Variants in ASPHD1 observed in about 807,000 individuals in gnomAD.
ASPHD1 encodes the protein aspartate beta-hydroxylase domain-containing protein 1.
A neutral mutation model predicts 28.3 loss-of-function variants in ASPHD1; 20 were observed. The ratio of observed to expected loss-of-function variants is 0.71; its 90% confidence interval spans 0.50 to 1.03. The LOEUF is 1.03. Ranked by LOEUF, ASPHD1 falls within the 50% of genes least tolerant of loss-of-function variation. The pLI is 0.00. For missense variants in ASPHD1, 479 were observed against 524.1 expected, an observed-to-expected ratio of 0.91 and a Z score of 0.84; for synonymous variants, 240 against 221.2, an observed-to-expected ratio of 1.08 and a Z score of -0.75.
intron 2 of ASPHD1, 103 bp from the exon 3 acceptor site, chr16:29,905,685 C>T (rs1597006865): frequency 1.5e-6 from 1 of 654,544 alleles, no homozygotes; most frequent in African/African-American, 1.9e-5. Context: ...TAGAACAAGG[C>T]CTGCCACTTA....
chr16:29,911,145 T>C, intron 3 of ASPHD1: 1 of 1,614,010 alleles, frequency 6.2e-7, no homozygotes, highest in South Asian at 1.1e-5. Flanking sequence ...AACAGCTCGA[T>C]GTTCTTAAGT....
chr16:29,901,568 C>A lies in ASPHD1; in HGVS notation c.597C>A (p.Pro199=). Residue 199 remains proline (P), a synonymous_variant, in exon 1 of 3, where the codon CCC becomes CCA. Transcript: ENST00000308748. The surrounding 1 kb of genome is among the most constrained non-coding windows in gnomAD (Gnocchi z 5.1). Reference sequence around the variant, plus strand: ...TCCTACCAGACCTGCCTTCAGCCCCCTTTGTGCCGCGGGACGCCCAGCGGC... The same window carrying A: ...TCCTACCAGACCTGCCTTCAGCCCCATTTGTGCCGCGGGACGCCCAGCGGC... ...LLFLPDLPSA[P]FVPRDAQRHD... 1 of 1,547,040 alleles carries A rather than the reference C, an allele frequency of 6.5e-7. No homozygotes were observed. The highest frequency in any genetic ancestry group is 8.7e-7 in the Non-Finnish European group (1 of 1,154,176).
chr16:29,905,903 G>T lies in ASPHD1; in HGVS notation c.*6G>T. The T allele has an allele frequency of 6.2e-7, 1 of 1,609,374 alleles. No homozygotes were observed. The highest frequency in any genetic ancestry group is 8.5e-7 in the Non-Finnish European group (1 of 1,176,542). On this transcript the variant is annotated 3_prime_UTR_variant, in exon 3 of 3. Transcript: ENST00000308748. ...TCTTCGCCCCAGACCCTTGAAGGAAGGTGCTCCCTTCACACACCCAGGCTG... is the reference window on the plus strand; with the variant it reads ...TCTTCGCCCCAGACCCTTGAAGGAATGTGCTCCCTTCACACACCCAGGCTG...
chr16:29,909,998 C>T (rs1238459296), downstream of ASPHD1, among the ~76,000 whole-genome samples: 4 of 151,134 alleles, frequency 2.6e-5, no homozygotes, highest in African/African-American at 9.7e-5. Flanking sequence ...ACTTGGGAGG[C>T]TGAGGCAGGA....
intron 3 of ASPHD1, chr16:29,912,077 A>C (rs2068723444): frequency 6.6e-7 from 1 of 1,518,642 alleles, no homozygotes; most frequent in East Asian, 2.4e-5. Flanking sequence ...GGTGGTTAAC[A>C]GCACAACCAA....
At chr16:29,917,463 A>G (rs1407775211) in intron 3 of ASPHD1, among the ~76,000 whole-genome samples, 1 of 152,082 alleles carries the variant, frequency 6.6e-6, no homozygotes, top group East Asian at 1.9e-4. Context: ...CTTGACCAAC[A>G]TGGCAAAACC....
At chr16:29,915,061 A>G (rs1272159529) in intron 3 of ASPHD1, 2 of 151,878 alleles carry the variant, frequency 1.3e-5, no homozygotes, top group Admixed American at 6.6e-5. Context: ...TCTGTAATCC[A>G]GTTGGAGAAA....
intron 1 of ASPHD1, among the ~76,000 whole-genome samples, chr16:29,903,208 T>C (rs777030992): frequency 5.9e-5 from 9 of 151,398 alleles, no homozygotes; most frequent in Non-Finnish European, 1.3e-4. Context: ...TACAGAAAAT[T>C]AGCTGGGTGT....
intron 3 of ASPHD1, chr16:29,911,946 C>CT (rs1465974094): frequency 6.2e-7 from 1 of 1,610,256 alleles, no homozygotes; most frequent in African/African-American, 1.3e-5. Flanking sequence ...CCCTGCAGGG[C>CT]TTGGGGGCCT....
At chr16:29,910,924 G>A, downstream of ASPHD1, 2 of 1,537,256 alleles carry the variant, frequency 1.3e-6, no homozygotes, top group Non-Finnish European at 1.8e-6. Flanking sequence ...TTTGTCCAGG[G>A]TCCTGGTCCT....
At chr16:29,909,313 C>A (rs1368523893), downstream of ASPHD1, among the ~76,000 whole-genome samples, 1 of 152,078 alleles carries the variant, frequency 6.6e-6, no homozygotes, top group African/African-American at 2.4e-5. Context: ...TAGCTTGAGT[C>A]TTAAGATTAA....
At position 29,901,856 on chromosome 16, in the gene ASPHD1, C is replaced by T. The variant is rs1438091219; in HGVS notation, c.885C>T (p.Leu295=). ...TCGGCAATGCCGGCTTTTCCGTTCT[C>T]CTGCCTGGGGCCCGGCTCGAGGGCC... ...NTFGNAGFSV[L]LPGARLEGRC... The change falls in exon 1 of 3, where the codon CTC becomes CTT. Residue 295 remains leucine, a synonymous_variant. Transcript: ENST00000308748. The surrounding 1 kb of genome is among the most constrained non-coding windows in gnomAD (Gnocchi z 5.1). 46 of 1,542,300 alleles carry T rather than the reference C, an allele frequency of 3.0e-5. No individual in the cohort carries two copies. The highest frequency in any genetic ancestry group is 3.8e-5 in the Non-Finnish European group (43 of 1,145,978).
intron 3 of ASPHD1, chr16:29,911,353 C>T (rs962887594): frequency 2.8e-5 from 17 of 610,146 alleles, no homozygotes; most frequent in African/African-American, 1.3e-4. Flanking sequence ...AAGCCACATG[C>T]GCTGAGCAAA....
chr16:29,906,845 A>G, downstream of ASPHD1: 1 of 1,593,228 alleles, frequency 6.3e-7, no homozygotes, highest in Non-Finnish European at 8.6e-7. Context: ...TCCCAAGGCA[A>G]GAGGAAGGCA....
chr16:29,901,103 G>A lies in ASPHD1; in HGVS notation c.132G>A (p.Gly44=), dbSNP rs1160686665. ...GGGCAGCCATGGAAGGGACAGGTGGGGAGCTGGGGGGACAGGGGAACTGGG... is the reference window on the plus strand; with the variant it reads ...GGGCAGCCATGGAAGGGACAGGTGGAGAGCTGGGGGGACAGGGGAACTGGG... ...SQGAAMEGTG[G]ELGGQGNWGP... Residue 44 remains glycine, a synonymous_variant, in exon 1 of 3, where the codon GGG becomes GGA. Coordinates refer to ENST00000308748, the MANE Select transcript of ASPHD1 (RefSeq NM_181718.4). This position sits in a 1 kb window ranked among gnomAD's most constrained non-coding sequence, Gnocchi z 5.1. The A allele has an allele frequency of 1.9e-6, 3 of 1,609,876 alleles. No individual in the cohort carries two copies. Among genetic ancestry groups the A allele is most frequent in the South Asian group, 2.2e-5 (2 of 90,636 alleles).
chr16:29,918,752 G>C (rs962500834), intron 3 of ASPHD1, among the ~76,000 whole-genome samples: 1 of 152,154 alleles, frequency 6.6e-6, no homozygotes, highest in Non-Finnish European at 1.5e-5. Flanking sequence ...TGCCTCCCCA[G>C]GTTCAAGCGA....
Position 29,901,466 on chromosome 16 carries a change from G to A in ASPHD1, c.495G>A (p.Val165=), listed in dbSNP as rs746765946. The change falls in exon 1 of 3, where the codon GTG becomes GTA. Residue 165 remains valine, a synonymous_variant. Coordinates refer to ENST00000308748, the MANE Select transcript of ASPHD1 (RefSeq NM_181718.4). The surrounding 1 kb of genome is among the most constrained non-coding windows in gnomAD (Gnocchi z 5.1). ...RRYSWAGMGR[V]RRAAQGGPGP... ...ACTCCTGGGCTGGGATGGGTAGAGT[G>A]AGGCGGGCAGCTCAGGGTGGCCCAG... The A allele has an allele frequency of 1.8e-5, 29 of 1,589,726 alleles. No homozygotes were observed. The Middle Eastern group carries it at 2.0e-3, about 111-fold the overall frequency.
downstream of ASPHD1, chr16:29,907,132 G>T: frequency 1.3e-6 from 2 of 1,545,892 alleles, no homozygotes; most frequent in Non-Finnish European, 1.8e-6. Flanking sequence ...GCCGGCCCCA[G>T]CTCCTTCCTT....
In ASPHD1 at chr16:29,911,916, G is replaced by A; in HGVS notation, c.*62+5957G>A. ...GAGAGGGGTGAGGCTGCAGGGAGAGGCCCCCCCAGTGAGCCTCCACCCTGC... is the reference window on the plus strand; with the variant it reads ...GAGAGGGGTGAGGCTGCAGGGAGAGACCCCCCCAGTGAGCCTCCACCCTGC... On this transcript the variant is annotated intron_variant and NMD_transcript_variant, in intron 3 of 3. Coordinates refer to the ASPHD1 transcript ENST00000414952. 3.1e-6 allele frequency: 5 copies of A among 1,608,458 alleles called. No individual in the cohort carries two copies. The Admixed American group carries it at 6.8e-5, about 22-fold the overall frequency.
Sources: allele counts gnomAD v4.1 joint callset (sites outside exome capture counted in the v4.1 genomes callset), GRCh38; gene constraint gnomAD v4.1.1; non-coding constraint Gnocchi (gnomAD v3.1); transcripts MANE v1.5; gene names NCBI Gene and HGNC (gene_info 2026-07-23, HGNC 2026-07-21).